CTNND2: variants seen among roughly 807,000 people sequenced by gnomAD.
The protein encoded by CTNND2 is catenin delta 2.
Under a neutral mutation model 144.4 loss-of-function variants are expected in CTNND2, and 22 were observed. That is an observed-to-expected ratio of 0.15 (90% CI 0.11 to 0.22). CTNND2 has a LOEUF of 0.22. CTNND2 is among the 10% of genes least tolerant of loss of function. The pLI, the probability that CTNND2 is intolerant of heterozygous loss-of-function variation, is 1.00. For synonymous variants in CTNND2, 751 were observed against 695.6 expected (o/e 1.08, Z -1.25); for missense variants, 1,353 against 1,618.8 (o/e 0.84, Z 2.82).
chr5:11,465,713 T>TA (rs768616064), intron 3 of CTNND2, among the ~76,000 whole-genome samples: 2 of 152,206 alleles, frequency 1.3e-5, no homozygotes, highest in Non-Finnish European at 2.9e-5. Context: ...GGTGACTAAA[T>TA]AATCTTAGCA....
chr5:11,237,970 T>C (rs887812866), intron 9 of CTNND2, among the ~76,000 whole-genome samples: 4 of 152,218 alleles, frequency 2.6e-5, no homozygotes, highest in African/African-American at 9.7e-5. Flanking sequence ...TTGCAGAATG[T>C]TAATACATTT....
chr5:11,197,058 A>G (rs1561005674), intron 11 of CTNND2, among the ~76,000 whole-genome samples: 1 of 152,194 alleles, frequency 6.6e-6, no homozygotes, highest in Non-Finnish European at 1.5e-5. Flanking sequence ...TCTAGAGCCA[A>G]TCACTAGACT....
chr5:11,761,017 G>T (rs1294958674), intron 1 of CTNND2, among the ~76,000 whole-genome samples: 1 of 152,074 alleles, frequency 6.6e-6, no homozygotes, highest in African/African-American at 2.4e-5. Flanking sequence ...TCATTTACTT[G>T]CTGGATCAAT....
In CTNND2 at chr5:11,903,442, C is replaced by T; in HGVS notation, c.37+375G>A. 1 of 925,406 alleles carries T rather than the reference C, an allele frequency of 1.1e-6. No homozygotes were observed. The highest frequency in any genetic ancestry group is 1.3e-6 in the Non-Finnish European group (1 of 760,150). The allele number at this position is 925,406 out of a possible 1,614,324, so 57.3% of individuals were successfully genotyped here. A position where few individuals can be genotyped will look rare whatever the true frequency, so the allele number is the denominator to read the frequency against. ...GAAGTCCTCCCCACCCCCACCCCGT[C>T]TCCTCCCGTATATTAGGGACGTCAT... On this transcript the variant is annotated intron_variant, in intron 1 of 21. Coordinates refer to ENST00000304623, the MANE Select transcript of CTNND2 (RefSeq NM_001332.4). The surrounding 1 kb of genome is among the most constrained non-coding windows in gnomAD (Gnocchi z 5.4).
At chr5:11,295,663 C>A (rs1462866130) in intron 9 of CTNND2, among the ~76,000 whole-genome samples, 11 of 152,106 alleles carry the variant, frequency 7.2e-5, no homozygotes. Flanking sequence ...GAACAGAGCC[C>A]TCAGAAATAC....
At chr5:11,514,873 G>A (rs1424328830) in intron 3 of CTNND2, among the ~76,000 whole-genome samples, 1 of 152,124 alleles carries the variant, frequency 6.6e-6, no homozygotes, top group African/African-American at 2.4e-5. Flanking sequence ...TGCGATCGTG[G>A]CTCACTGCAA....
At chr5:11,721,426 G>C (rs1262233802) in intron 2 of CTNND2, among the ~76,000 whole-genome samples, 4 of 152,052 alleles carry the variant, frequency 2.6e-5, no homozygotes, top group South Asian at 2.1e-4. Flanking sequence ...CTTAGAAGTA[G>C]AGAAAATGGT....
intron 6 of CTNND2, among the ~76,000 whole-genome samples, chr5:11,388,405 G>A (rs889138761): frequency 3.3e-5 from 5 of 152,186 alleles, no homozygotes; most frequent in Admixed American, 6.5e-5. Context: ...TGGCTAATCA[G>A]CTGAGGAACT....
chr5:11,478,473 G>A (rs1767961618), intron 3 of CTNND2, among the ~76,000 whole-genome samples: 1 of 152,160 alleles, frequency 6.6e-6, no homozygotes, highest in Non-Finnish European at 1.5e-5. Flanking sequence ...TTGCTGGAGT[G>A]GTGGCTTTTC....
chr5:11,371,765 T>C (rs931751252), intron 7 of CTNND2, among the ~76,000 whole-genome samples: 31 of 152,210 alleles, frequency 2.0e-4, no homozygotes, highest in Non-Finnish European at 4.1e-4. Context: ...TTGTTATAAA[T>C]GCAAAGATAT....
In CTNND2 at chr5:11,792,535, C is replaced by A. The variant is rs1561801021; in HGVS notation, c.38-60263G>T. Among the ~76,000 whole-genome samples, 3 of 152,314 alleles carry A rather than the reference C, an allele frequency of 2.0e-5. No individual in the cohort carries two copies. The South Asian group carries it at 6.2e-4, about 32-fold the overall frequency. ...AAAGTCCTGAGATGCTCCTTCCCCA[C>A]ATATTTTTGTGCAAGCATGAACGCT... On this transcript the variant is annotated intron_variant, in intron 1 of 21. Transcript: ENST00000304623.
intron 1 of CTNND2, among the ~76,000 whole-genome samples, chr5:11,878,202 C>T (rs138329347): frequency 1.3e-5 from 2 of 152,124 alleles, no homozygotes; most frequent in Admixed American, 6.5e-5. Context: ...AAAACTATAG[C>T]GGTATATATT....
chr5:11,744,757 AT>A (rs1197937875), intron 1 of CTNND2, among the ~76,000 whole-genome samples: 1 of 150,936 alleles, frequency 6.6e-6, no homozygotes, highest in Admixed American at 6.6e-5. Flanking sequence ...TATTATTATT[AT>A]TTTTTTGAGA....
At chr5:11,553,883 T>C (rs1312632240) in intron 3 of CTNND2, among the ~76,000 whole-genome samples, 1 of 152,096 alleles carries the variant, frequency 6.6e-6, no homozygotes, top group East Asian at 1.9e-4. Context: ...GATGTAAAAT[T>C]AATATTAGCT....
chr5:11,068,023 C>T (rs1747802877), intron 16 of CTNND2, among the ~76,000 whole-genome samples: 1 of 152,202 alleles, frequency 6.6e-6, no homozygotes, highest in South Asian at 2.1e-4. Context: ...CTATCCATTA[C>T]ATAAATAATA....
chr5:11,120,843 A>G (rs966228592), intron 12 of CTNND2, among the ~76,000 whole-genome samples: 1 of 152,136 alleles, frequency 6.6e-6, no homozygotes, highest in African/African-American at 2.4e-5. Flanking sequence ...TCTCTTTTCA[A>G]TGGGCAATGA....
chr5:11,239,162 AG>A (rs1441390126), intron 9 of CTNND2, among the ~76,000 whole-genome samples: 1 of 152,288 alleles, frequency 6.6e-6, no homozygotes, highest in Admixed American at 6.5e-5. Context: ...TTTATTAACC[AG>A]TCAGGAATTG....
chr5:11,656,682 T>C (rs1428215618), intron 2 of CTNND2, among the ~76,000 whole-genome samples: 1 of 152,088 alleles, frequency 6.6e-6, no homozygotes, highest in Non-Finnish European at 1.5e-5. Flanking sequence ...CAGGTGAGTG[T>C]TAATGCAGAG....
intron 2 of CTNND2, among the ~76,000 whole-genome samples, chr5:11,682,467 C>T (rs1561689357): frequency 6.6e-6 from 1 of 152,224 alleles, no homozygotes; most frequent in Middle Eastern, 3.4e-3. Context: ...CTTTGGTCAG[C>T]GAATGTGTTC....
Sources: gnomAD v4.1 joint callset for allele counts (sites outside exome capture counted in the v4.1 genomes callset) on GRCh38, gnomAD v4.1.1 for gene constraint, Gnocchi (gnomAD v3.1) non-coding constraint, MANE v1.5 for transcripts, NCBI Gene and HGNC (gene_info 2026-07-23, HGNC 2026-07-21) for gene names.